Variants in FGD4 observed in about 807,000 individuals in gnomAD.
FGD4 encodes the protein FYVE, RhoGEF and PH domain containing 4.
In FGD4, 42 loss-of-function variants were observed where a neutral mutation model predicts 102.0. That is an observed-to-expected ratio of 0.41 (90% CI 0.32 to 0.53). The LOEUF (loss-of-function observed/expected upper bound fraction) is 0.53, where lower values mean the gene tolerates loss of function less well. Among genes scored for constraint, FGD4 ranks in the 20% least tolerant of loss-of-function variants. FGD4 has a pLI of 0.21. For missense variants in FGD4, 902 were observed against 1,078.2 expected (o/e 0.84, Z 2.29); for synonymous variants, 380 against 375.7 (o/e 1.01, Z -0.13).
At chr12:32,577,232 T>C (rs1946200479) in intron 3 of FGD4, among the ~76,000 whole-genome samples, 1 of 151,842 alleles carries the variant, frequency 6.6e-6, no homozygotes, top group African/African-American at 2.4e-5. Context: ...AATATAATTT[T>C]AAGCAATTTT....
At position 32,537,583 on chromosome 12, in the gene FGD4, C is replaced by G. The variant is rs148861410; in HGVS notation, c.167-26554C>G. Among the ~76,000 whole-genome samples the G allele has an allele frequency of 3.5e-3, 527 of 152,336 alleles. 1 individual carries two copies. The highest frequency in any genetic ancestry group is 0.034 in the Middle Eastern group (10 of 294). ...AGGCCCTACCTTCTCTAGCCCCTAT[C>G]CCTATCCCTACCCCTTAACTTTCTG... On this transcript the variant is annotated intron_variant, in intron 1 of 16. Coordinates refer to ENST00000534526, the MANE Select transcript of FGD4 (RefSeq NM_001370298.3).
chr12:32,534,599 T>C, intron 1 of FGD4: 1 of 703,490 alleles, frequency 1.4e-6, no homozygotes, highest in East Asian at 3.1e-5. Flanking sequence ...CAGAGTTTGG[T>C]TTTCTTTTAA....
chr12:32,630,441 A>T (rs1279502616), intron 14 of FGD4, among the ~76,000 whole-genome samples: 4 of 152,212 alleles, frequency 2.6e-5, no homozygotes, highest in South Asian at 2.1e-4. Context: ...TTTCGGAGGG[A>T]GGTTGAGGCA....
At position 32,565,411 on chromosome 12, in the gene FGD4, T is replaced by G. The variant is rs541206018; in HGVS notation, c.319+1122T>G. ...TTGACTACACTGCTCCCTTATAGCA[T>G]TGACGTGAATATAAACATAGGACTT... On this transcript the variant is annotated intron_variant, in intron 2 of 16. Coordinates refer to ENST00000534526, the MANE Select transcript of FGD4 (RefSeq NM_001370298.3). 1.8e-3 allele frequency among the ~76,000 whole-genome samples: 278 copies of G among 152,328 alleles called. 1 individual carries two copies. The highest frequency in any genetic ancestry group is 6.5e-3 in the African/African-American group (269 of 41,574).
At chr12:32,633,505 A>G (rs778088388) in intron 14 of FGD4, 44 bp from the exon 15 acceptor site, 1 of 1,578,416 alleles carries the variant, frequency 6.3e-7, no homozygotes, top group African/African-American at 1.4e-5. Flanking sequence ...CTTAAATCAT[A>G]TCCTTTAAAT....
At chr12:32,505,131 C>T (rs1302420689) in intron 1 of FGD4, among the ~76,000 whole-genome samples, 1 of 152,132 alleles carries the variant, frequency 6.6e-6, no homozygotes, top group East Asian at 1.9e-4. Context: ...CAGATGCTGT[C>T]ATTGCTAATG....
rs1407407849 is a variant in FGD4 at position 32,640,453 on chromosome 12, G to A, written c.2632G>A (p.Gly878Ser). 1 of 1,614,124 alleles carries A rather than the reference G, an allele frequency of 6.2e-7. No individual in the cohort carries two copies. The highest frequency in any genetic ancestry group is 1.1e-5 in the South Asian group (1 of 91,084). Residue 878 changes from glycine (G) to serine (S), a missense_variant, in exon 17 of 17, where the codon GGT (glycine) becomes AGT (serine). Gly to Ser is a moderately conservative substitution (Grantham distance 56). Around this residue, in one of 2 missense-constraint regions of FGD4, gnomAD observed 459 missense variants for 619.0 expected, o/e 0.74. Coordinates refer to ENST00000534526, the MANE Select transcript of FGD4 (RefSeq NM_001370298.3). ...WLKVILLAVTGETPGGPNEHP... is the reference protein window; with the variant it reads ...WLKVILLAVTSETPGGPNEHP... ...GAAAGTCATCCTTTTAGCTGTCACA[G>A]GTGAGACACCAGGTGGTCCAAATGA...
chr12:32,530,201 G>A (rs112654628), intron 1 of FGD4, among the ~76,000 whole-genome samples: 2,444 of 152,082 alleles, frequency 0.016, 67 homozygotes, highest in African/African-American at 0.055. Context: ...ATATCATGTG[G>A]GCTGGGCATG....
intron 1 of FGD4, among the ~76,000 whole-genome samples, chr12:32,428,709 C>T (rs566827262): frequency 3.3e-5 from 5 of 152,212 alleles, no homozygotes; most frequent in East Asian, 3.9e-4. Context: ...ATCAATCAAA[C>T]GTAGCTTTGG....
intron 1 of FGD4, among the ~76,000 whole-genome samples, chr12:32,528,976 A>G (rs899997372): frequency 1.3e-5 from 2 of 152,216 alleles, no homozygotes; most frequent in East Asian, 3.8e-4. Context: ...ATAGATGTTC[A>G]AGGATAATAC....
In FGD4 at chr12:32,617,987, G is replaced by A. The variant is rs116580136; in HGVS notation, c.1750-1711G>A. On this transcript the variant is annotated intron_variant, in intron 10 of 16. Transcript: ENST00000534526. ...GATTTTTGACAGTTTAGAATGTGAA[G>A]TCCCATTTAGGGAGAATATAATAGA... 2.4e-3 allele frequency among the ~76,000 whole-genome samples: 360 copies of A among 152,304 alleles called. 2 individuals are homozygous for A. The highest frequency in any genetic ancestry group is 8.4e-3 in the African/African-American group (347 of 41,550).
At chr12:32,606,720 G>A (rs964120663) in intron 7 of FGD4, among the ~76,000 whole-genome samples, 2 of 152,114 alleles carry the variant, frequency 1.3e-5, no homozygotes, top group Non-Finnish European at 2.9e-5. Flanking sequence ...TGATCATGGT[G>A]TGAATTCAGT....
At chr12:32,553,161 A>G (rs1183313078) in intron 1 of FGD4, among the ~76,000 whole-genome samples, 1 of 151,942 alleles carries the variant, frequency 6.6e-6, no homozygotes, top group East Asian at 1.9e-4. Flanking sequence ...CCATCCCGAG[A>G]GTGGTGGAGC....
At chr12:32,424,062 CTATT>C (rs1416414179) in intron 1 of FGD4, among the ~76,000 whole-genome samples, 2 of 151,912 alleles carry the variant, frequency 1.3e-5, no homozygotes, top group Non-Finnish European at 2.9e-5. Context: ...GAATTTCCTG[CTATT>C]TATTTATTTA....
At chr12:32,630,438 G>A (rs1017800334) in intron 14 of FGD4, among the ~76,000 whole-genome samples, 9 of 152,184 alleles carry the variant, frequency 5.9e-5, no homozygotes, top group Non-Finnish European at 1.3e-4. Context: ...CACTTTCGGA[G>A]GGAGGTTGAG....
intron 1 of FGD4, among the ~76,000 whole-genome samples, chr12:32,437,343 C>T (rs979654261): frequency 3.3e-5 from 5 of 152,304 alleles, no homozygotes; most frequent in Admixed American, 2.6e-4. Flanking sequence ...GAAGCTGGGA[C>T]ACCCATAAAA....
intron 5 of FGD4, among the ~76,000 whole-genome samples, chr12:32,599,534 CTTTT>C (rs764106230): frequency 2.8e-5 from 1 of 35,352 alleles, no homozygotes; most frequent in South Asian, 1.9e-3. Flanking sequence ...ACTAAGGCAT[CTTTT>C]TTTTTTTTTT....
chr12:32,624,693 C>G (rs957747121), intron 12 of FGD4: 1 of 666,464 alleles, frequency 1.5e-6, no homozygotes, highest in Non-Finnish European at 2.7e-6. Flanking sequence ...AGGCTGATCT[C>G]GAACTCCTGA....
At chr12:32,480,171 T>G (rs1943696729) in intron 1 of FGD4, among the ~76,000 whole-genome samples, 1 of 150,770 alleles carries the variant, frequency 6.6e-6, no homozygotes, top group African/African-American at 2.4e-5. Flanking sequence ...TTTTGTTTTT[T>G]TTGTTTTGAG....
Sources: gnomAD v4.1 joint callset for allele counts (sites outside exome capture counted in the v4.1 genomes callset) on GRCh38, gnomAD v4.1.1 for gene constraint, gnomAD v4.1.1 regional missense constraint, MANE v1.5 for transcripts, NCBI Gene and HGNC (gene_info 2026-07-23, HGNC 2026-07-21) for gene names.